BASP1: variants seen among roughly 807,000 people sequenced by gnomAD.
The protein encoded by BASP1 is brain abundant membrane attached signal protein 1, also known as brain acid soluble protein 1.
Under a neutral mutation model 2.2 loss-of-function variants are expected in BASP1, and 1 was observed. That is an observed-to-expected ratio of 0.46 (90% CI 0.16 to 2.17). The LOEUF (loss-of-function observed/expected upper bound fraction) is 2.17, where lower values mean the gene tolerates loss of function less well. Among genes scored for constraint, BASP1 ranks in the 30% most tolerant of loss-of-function variants. The pLI is 0.27. For missense variants in BASP1, 352 were observed against 327.2 expected (o/e 1.08, Z -0.58); for synonymous variants, 187 against 154.2 (o/e 1.21, Z -1.58).
chr5:17,221,727 A>G (rs1024914396), intron 1 of BASP1, among the ~76,000 whole-genome samples: 3 of 152,134 alleles, frequency 2.0e-5, no homozygotes, highest in Non-Finnish European at 4.4e-5. Flanking sequence ...AGTGAACATG[A>G]GCTTTTTTCT....
rs115741327 is a variant in BASP1, at chr5:17,227,719, T to G, written c.-10+9909T>G. On this transcript the variant is annotated intron_variant, in intron 1 of 1. Transcript: ENST00000322611. ...ATGCCCGGCCAATAACTCATTTTTC[T>G]AAGGAAGAAAGAATCTCGATTAACA... 9.9e-3 allele frequency among the ~76,000 whole-genome samples: 1,501 copies of G among 152,278 alleles called. 25 individuals carry two copies. Among genetic ancestry groups the G allele is most frequent in the African/African-American group, 0.034 (1,427 of 41,552 alleles).
At chr5:17,249,771 T>G (rs1740065464) in intron 1 of BASP1, among the ~76,000 whole-genome samples, 2 of 152,224 alleles carry the variant, frequency 1.3e-5, no homozygotes, top group Non-Finnish European at 2.9e-5. Context: ...TCCGACTTTA[T>G]TAATTTTTCT....
intron 1 of BASP1, among the ~76,000 whole-genome samples, chr5:17,237,191 A>C (rs1160071041): frequency 6.6e-6 from 1 of 152,114 alleles, no homozygotes; most frequent in Non-Finnish European, 1.5e-5. Flanking sequence ...AAAAATACAA[A>C]AAATTAGCTG....
chr5:17,222,409 C>G (rs1739408656), intron 1 of BASP1, among the ~76,000 whole-genome samples: 3 of 152,154 alleles, frequency 2.0e-5, no homozygotes, highest in Admixed American at 6.5e-5. Flanking sequence ...CCCAGCCTGC[C>G]AAAGGAAGGC....
chr5:17,217,072 G>GTA (rs1739259963), upstream of BASP1: 1 of 96,838 alleles, frequency 1.0e-5, no homozygotes, highest in East Asian at 2.6e-4. Flanking sequence ...GAGAGAGAGT[G>GTA]AGAGAGAGAG....
In BASP1 at chr5:17,224,924, C is replaced by T. The variant is rs75911942; in HGVS notation, c.-10+7114C>T. Among the ~76,000 whole-genome samples the T allele has an allele frequency of 9.9e-3, 1,502 of 152,284 alleles. 57 individuals are homozygous for T. Among genetic ancestry groups the T allele is most frequent in the Admixed American group, 0.072 (1,097 of 15,292 alleles). On this transcript the variant is annotated intron_variant, in intron 1 of 1. Coordinates refer to ENST00000322611, the MANE Select transcript of BASP1 (RefSeq NM_006317.5). ...CTAAATTGGTCAATCTGTTTTGTTC[C>T]GCGTCCACGCAGGATCCACTTACAG...
At chr5:17,247,068 C>G (rs1338628355) in intron 1 of BASP1, among the ~76,000 whole-genome samples, 1 of 152,084 alleles carries the variant, frequency 6.6e-6, no homozygotes, top group Non-Finnish European at 1.5e-5. Flanking sequence ...ACCTGTAGTC[C>G]CAGCTACTCC....
rs915588460 is a variant in BASP1, at chr5:17,276,767, G to A, written c.*867G>A. On this transcript the variant is annotated 3_prime_UTR_variant, in exon 2 of 2. Coordinates refer to ENST00000322611, the MANE Select transcript of BASP1 (RefSeq NM_006317.5). ...AAAAAAAACAAAAAAATGTACAATG[G>A]ATGCATTGAAATTATATGTAATTGT... is the stretch of plus-strand genomic sequence containing the variant. 1.8e-5 allele frequency: 3 copies of A among 165,030 alleles called. No individual in the cohort carries two copies. Among genetic ancestry groups the A allele is most frequent in the Non-Finnish European group, 1.5e-5 (1 of 67,904 alleles). 10.2% of individuals were successfully genotyped at this position (165,030 alleles called of 1,614,324 possible). A position where few individuals can be genotyped will look rare whatever the true frequency, so the allele number is the denominator to read the frequency against.
chr5:17,264,277 T>C (rs1740373879), intron 1 of BASP1, among the ~76,000 whole-genome samples: 1 of 152,228 alleles, frequency 6.6e-6, no homozygotes, highest in Admixed American at 6.5e-5. Flanking sequence ...CTTTTCTTTA[T>C]ATAAAAAAGA....
chr5:17,246,144 T>C (rs1739982798), intron 1 of BASP1, among the ~76,000 whole-genome samples: 1 of 152,068 alleles, frequency 6.6e-6, no homozygotes, highest in African/African-American at 2.4e-5. Context: ...TTGGCCTCTT[T>C]AAAGGACAGT....
chr5:17,235,571 T>C (rs753299820), intron 1 of BASP1, among the ~76,000 whole-genome samples: 4 of 152,154 alleles, frequency 2.6e-5, no homozygotes, highest in African/African-American at 4.8e-5. Flanking sequence ...CTGCTCTTTA[T>C]GTTTTTTCAT....
chr5:17,219,258 A>G (rs1393070054), intron 1 of BASP1, among the ~76,000 whole-genome samples: 1 of 152,122 alleles, frequency 6.6e-6, no homozygotes, highest in Non-Finnish European at 1.5e-5. Context: ...GCCCCATCCC[A>G]TCTCCATCAT....
At chr5:17,273,750 C>T (rs555865750) in intron 1 of BASP1, among the ~76,000 whole-genome samples, 8 of 152,162 alleles carry the variant, frequency 5.3e-5, no homozygotes, top group Non-Finnish European at 1.0e-4. Flanking sequence ...TGGACCTGAC[C>T]TGGGCAAAAC....
chr5:17,225,650 G>A (rs1253479711), intron 1 of BASP1, among the ~76,000 whole-genome samples: 1 of 152,158 alleles, frequency 6.6e-6, no homozygotes, highest in African/African-American at 2.4e-5. Context: ...CTTATTTGGG[G>A]GCTATAGAGC....
intron 1 of BASP1, among the ~76,000 whole-genome samples, chr5:17,220,801 T>G (rs942271878): frequency 1.3e-5 from 2 of 152,240 alleles, no homozygotes; most frequent in African/African-American, 4.8e-5. Flanking sequence ...CAAGAGGTGA[T>G]GCGTTCTGTC....
intron 1 of BASP1, among the ~76,000 whole-genome samples, chr5:17,255,434 G>A (rs939608308): frequency 4.6e-5 from 7 of 152,028 alleles, no homozygotes; most frequent in Non-Finnish European, 8.8e-5. Flanking sequence ...ATGAGTCATA[G>A]TTTACTATTA....
intron 1 of BASP1, among the ~76,000 whole-genome samples, chr5:17,231,317 A>C (rs1739629740): frequency 6.6e-6 from 1 of 152,062 alleles, no homozygotes; most frequent in African/African-American, 2.4e-5. Context: ...CTGGGTAGTG[A>C]AACTCACATA....
upstream of BASP1, chr5:17,217,071 T>TGTGTGAGAGAGAGAGAGAGAGAGAGA (rs1367601986): frequency 1.1e-3 from 112 of 102,038 alleles, no homozygotes; most frequent in African/African-American, 4.6e-3. Context: ...AGAGAGAGAG[T>TGTGTGAGAGAGAGAGAGAGAGAGAGA]GAGAGAGAGA....
intron 1 of BASP1, among the ~76,000 whole-genome samples, chr5:17,224,810 A>G (rs533392421): frequency 1.2e-4 from 18 of 152,260 alleles, no homozygotes; most frequent in African/African-American, 3.9e-4. Flanking sequence ...CTTATCTGCA[A>G]TTTTGCTCTG....
Sources: allele counts gnomAD v4.1 joint callset (sites outside exome capture counted in the v4.1 genomes callset), GRCh38; gene constraint gnomAD v4.1.1; transcripts MANE v1.5; gene names NCBI Gene and HGNC (gene_info 2026-07-23, HGNC 2026-07-21).